Variants in COL18A1 observed in about 807,000 individuals in gnomAD.
COL18A1 encodes collagen alpha-1(XVIII) chain.
Under a neutral mutation model 168.0 loss-of-function variants are expected in COL18A1, and 133 were observed. The ratio of observed to expected loss-of-function variants is 0.79; its 90% CI spans 0.69 to 0.91. The LOEUF (loss-of-function observed/expected upper bound fraction) is 0.91, where lower values mean the gene tolerates loss of function less well. Among genes scored for constraint, COL18A1 ranks in the 40% least tolerant of loss-of-function variants. The probability of loss-of-function intolerance (pLI) is 0.00; values close to 1 mark genes in which losing one functional copy is unlikely to be tolerated. For synonymous variants in COL18A1, 949 were observed against 809.0 expected (o/e 1.17, Z -2.94); for missense variants, 2,126 against 1,925.4 (o/e 1.10, Z -1.95).
At chr21:45,491,385 G>GCCCCCCCCCCCC (rs148502711) in intron 22 of COL18A1, 71 bp downstream of exon 22, 39 of 717,078 alleles carry the variant, frequency 5.4e-5, no homozygotes, top group African/African-American at 2.7e-4. Context: ...CCCTCCCCGA[G>GCCCCCCCCCCCC]CCCCCCCCAC....
chr21:45,411,759 C>CGGGGGGGGGGGGGGGGG (rs1437966551), intron 2 of COL18A1, among the ~76,000 whole-genome samples: 9 of 7,558 alleles, frequency 1.2e-3, no homozygotes, highest in African/African-American at 5.4e-3. Flanking sequence ...GGGCTGATGG[C>CGGGGGGGGGGGGGGGGG]GGGGGGTGGG....
chr21:45,453,030 C>A (rs914953815), intron 2 of COL18A1, among the ~76,000 whole-genome samples: 2 of 150,572 alleles, frequency 1.3e-5, no homozygotes, highest in African/African-American at 4.9e-5. Flanking sequence ...TGCGAGTATT[C>A]ATGTGTGACA....
chr21:45,429,674 C>T (rs1426268877), intron 2 of COL18A1, among the ~76,000 whole-genome samples: 1 of 152,210 alleles, frequency 6.6e-6, no homozygotes, highest in African/African-American at 2.4e-5. Flanking sequence ...AGCTGGGAGC[C>T]TGACTGCGGG....
At chr21:45,432,259 C>T (rs914255907) in intron 2 of COL18A1, among the ~76,000 whole-genome samples, 14 of 152,136 alleles carry the variant, frequency 9.2e-5, no homozygotes, top group African/African-American at 3.1e-4. Flanking sequence ...GCTGGGCTGG[C>T]GGAGGTGGCC....
At chr21:45,484,490 A>G (rs1007504692) in intron 15 of COL18A1, among the ~76,000 whole-genome samples, 5 of 147,862 alleles carry the variant, frequency 3.4e-5, no homozygotes, top group Admixed American at 2.7e-4. Flanking sequence ...GCATATGTGC[A>G]CACACACACA....
chr21:45,488,408 G>A lies in COL18A1; in HGVS notation c.1897-10G>A, dbSNP rs756519469. 8.1e-6 allele frequency: 13 copies of A among 1,613,820 alleles called. No homozygotes were observed. The East Asian group carries it at 2.7e-4, about 33-fold the overall frequency. On this transcript the variant is annotated splice_polypyrimidine_tract_variant and intron_variant, in intron 17 of 41. Coordinates refer to ENST00000651438, the MANE Select transcript of COL18A1 (RefSeq NM_001379500.1). The stretch of plus-strand genomic sequence containing the variant: ...GCTGCACTAACACTGTGTCTCCTCT[G>A]CCCTGACAGGGACCTCCCGGCCTGC...
intron 31 of COL18A1, 49 bp from the exon 32 acceptor site, chr21:45,497,550 A>G (rs1166157549): frequency 6.5e-7 from 1 of 1,549,950 alleles, no homozygotes; most frequent in East Asian, 2.4e-5. Flanking sequence ...ACCACCCTGG[A>G]GTCCTCCCTG....
chr21:45,487,324 GC>G lies in COL18A1; in HGVS notation c.1834-122del. 4.3e-6 allele frequency: 5 copies of G among 1,169,146 alleles called. No homozygotes were observed. In the Admixed American group the frequency reaches 9.6e-5, roughly 23 times the overall value. 72.4% of individuals were successfully genotyped at this position (1,169,146 alleles called of 1,614,324 possible). ...AGACAGTCCCCATCTGAGAACGGCG[GC>G]TCCCCAGGCCACCGTGGCCCCAAAG... On this transcript the variant is annotated intron_variant, in intron 16 of 41. Coordinates refer to ENST00000651438, the MANE Select transcript of COL18A1 (RefSeq NM_001379500.1).
intron 14 of COL18A1, chr21:45,482,285 C>T (rs945287122): frequency 1.5e-6 from 1 of 657,546 alleles, no homozygotes; most frequent in South Asian, 1.5e-5. Context: ...TGAGATCTTA[C>T]TCCAAGCTTC....
At chr21:45,439,813 C>T (rs915585324) in intron 2 of COL18A1, among the ~76,000 whole-genome samples, 1 of 152,200 alleles carries the variant, frequency 6.6e-6, no homozygotes, top group Non-Finnish European at 1.5e-5. Flanking sequence ...GGAAATGCCG[C>T]TCTCTGCGCC....
At chr21:45,441,519 G>T (rs545271379) in intron 2 of COL18A1, among the ~76,000 whole-genome samples, 256 of 152,266 alleles carry the variant, frequency 1.7e-3, no homozygotes, top group African/African-American at 5.9e-3. Context: ...GCCTGGAGGT[G>T]CCCCCACCGG....
At chr21:45,508,676 G>T (rs969759049) in intron 38 of COL18A1, among the ~76,000 whole-genome samples, 3 of 152,192 alleles carry the variant, frequency 2.0e-5, no homozygotes, top group Admixed American at 1.3e-4. Flanking sequence ...ACAGCGGCCT[G>T]TCTCCTCACA....
At chr21:45,492,445 TG>T (rs1206813075) in intron 22 of COL18A1, 89 bp from the exon 23 acceptor site, 5 of 1,465,068 alleles carry the variant, frequency 3.4e-6, no homozygotes, top group East Asian at 4.5e-5. Context: ...TTTCCTGGTT[TG>T]GTGTTTTGTT....
intron 2 of COL18A1, among the ~76,000 whole-genome samples, chr21:45,448,026 T>G (rs894146965): frequency 6.6e-6 from 1 of 152,132 alleles, no homozygotes; most frequent in African/African-American, 2.4e-5. Flanking sequence ...GGGACATGGA[T>G]CGAGGTCTGA....
intron 4 of COL18A1, among the ~76,000 whole-genome samples, chr21:45,474,535 C>T (rs143323256): frequency 1.3e-5 from 2 of 151,468 alleles, no homozygotes; most frequent in Non-Finnish European, 2.9e-5. Flanking sequence ...GTCTGCATGT[C>T]TGCATGGTGC....
At chr21:45,459,443 T>C (rs1052043028) in intron 2 of COL18A1, among the ~76,000 whole-genome samples, 1 of 152,170 alleles carries the variant, frequency 6.6e-6, no homozygotes, top group African/African-American at 2.4e-5. Context: ...TATGTGCCCC[T>C]GAGGGGAGGG....
intron 9 of COL18A1, among the ~76,000 whole-genome samples, chr21:45,479,444 C>G (rs2035809531): frequency 6.6e-6 from 1 of 152,114 alleles, no homozygotes; most frequent in African/African-American, 2.4e-5. Flanking sequence ...ACACACACCA[C>G]ACATTACACA....
intron 2 of COL18A1, among the ~76,000 whole-genome samples, chr21:45,437,558 A>T (rs867525722): frequency 5.2e-3 from 133 of 25,552 alleles, no homozygotes; most frequent in Non-Finnish European, 7.5e-3. Context: ...ACACACACAC[A>T]CACAGACACA....
At chr21:45,456,296 G>A in intron 2 of COL18A1, 1 of 1,560,768 alleles carries the variant, frequency 6.4e-7, no homozygotes, top group Non-Finnish European at 8.7e-7. Flanking sequence ...CCAACGCCCT[G>A]ACGTCCGCCT....
Sources: allele counts gnomAD v4.1 joint callset (sites outside exome capture counted in the v4.1 genomes callset), GRCh38; gene constraint gnomAD v4.1.1; transcripts MANE v1.5; gene names NCBI Gene and HGNC (gene_info 2026-07-23, HGNC 2026-07-21).